CBLB: variants seen among roughly 807,000 people sequenced by gnomAD.
The protein encoded by CBLB is E3 ubiquitin-protein ligase CBL-B.
Under a neutral mutation model 104.9 loss-of-function variants are expected in CBLB, and 31 were observed. The observed-to-expected ratio is 0.30, with a 90% CI of 0.22 to 0.40. The LOEUF (loss-of-function observed/expected upper bound fraction) is 0.40. Ranked by LOEUF, CBLB falls within the 10% of genes least tolerant of loss-of-function variation. The pLI, the probability that CBLB is intolerant of heterozygous loss-of-function variation, is 1.00. For synonymous variants in CBLB, 440 were observed against 422.6 expected, an observed-to-expected ratio of 1.04 and a Z score of -0.51; for missense variants, 1,062 against 1,214.6, an observed-to-expected ratio of 0.87 and a Z score of 1.87.
At chr3:105,743,543 A>T (rs1285710058) in intron 6 of CBLB, among the ~76,000 whole-genome samples, 1 of 151,818 alleles carries the variant, frequency 6.6e-6, no homozygotes, top group Non-Finnish European at 1.5e-5. Context: ...TTTAGGGTTC[A>T]ATGCCACTCT....
At chr3:105,830,634 A>C (rs1342626041) in intron 3 of CBLB, among the ~76,000 whole-genome samples, 1 of 152,244 alleles carries the variant, frequency 6.6e-6, no homozygotes. Flanking sequence ...TTAAGTTGTA[A>C]AGTTTAAAAA....
chr3:105,798,624 A>G (rs1446366425), intron 3 of CBLB, among the ~76,000 whole-genome samples: 1 of 152,200 alleles, frequency 6.6e-6, no homozygotes, highest in African/African-American at 2.4e-5. Flanking sequence ...GGATGAATGG[A>G]GATTTAAGTC....
At chr3:105,695,023 G>T (rs1276530441) in intron 12 of CBLB, among the ~76,000 whole-genome samples, 1 of 151,800 alleles carries the variant, frequency 6.6e-6, no homozygotes, top group Non-Finnish European at 1.5e-5. Context: ...AACGCTCATT[G>T]TGATATTGAG....
At chr3:105,665,126 G>A (rs575260942) in intron 18 of CBLB, among the ~76,000 whole-genome samples, 2 of 152,152 alleles carry the variant, frequency 1.3e-5, no homozygotes, top group Admixed American at 6.5e-5. Flanking sequence ...TTTCAGGCCA[G>A]GCGCAGTGGC....
intron 12 of CBLB, among the ~76,000 whole-genome samples, chr3:105,700,399 G>C (rs757926553): frequency 2.7e-4 from 41 of 151,686 alleles, no homozygotes; most frequent in Non-Finnish European, 5.3e-4. Context: ...GATATAACTA[G>C]TTAATTACAG....
intron 18 of CBLB, among the ~76,000 whole-genome samples, chr3:105,669,924 A>T (rs910561300): frequency 2.0e-5 from 3 of 152,150 alleles, no homozygotes; most frequent in African/African-American, 7.2e-5. Flanking sequence ...ATGTACAAAG[A>T]GATTTTCCTC....
chr3:105,721,631 T>C (rs912058419), intron 9 of CBLB, among the ~76,000 whole-genome samples: 1 of 152,082 alleles, frequency 6.6e-6, no homozygotes, highest in Admixed American at 6.6e-5. Context: ...GACATATAAA[T>C]ATAGAATCCT....
chr3:105,664,834 C>T (rs944402719), intron 18 of CBLB, among the ~76,000 whole-genome samples: 2 of 151,960 alleles, frequency 1.3e-5, no homozygotes, highest in Non-Finnish European at 2.9e-5. Flanking sequence ...TTCTAAAACC[C>T]TTCATTATTT....
intron 3 of CBLB, among the ~76,000 whole-genome samples, chr3:105,811,595 G>A (rs190825178): frequency 6.6e-6 from 1 of 152,250 alleles, no homozygotes; most frequent in African/African-American, 2.4e-5. Context: ...TTAACACTGA[G>A]GCAAACTGGG....
Position 105,826,096 on chromosome 3 carries a change from G to GCTCCAGCATGACGCAAA in CBLB, c.419+27317_419+27318insTTTGCGTCATGCTGGAG, listed in dbSNP as rs374152281. ...TTTGAAATGGCTCCAGCATGACACG[G>GCTCCAGCATGACGCAAA]CTCCAGCATGACAGCATGACATGGA... is the stretch of plus-strand genomic sequence containing the variant. On this transcript the variant is annotated intron_variant, in intron 3 of 18. Coordinates refer to ENST00000394030, the MANE Select transcript of CBLB (RefSeq NM_170662.5). Among the ~76,000 whole-genome samples, 5 of 151,552 alleles carry GCTCCAGCATGACGCAAA rather than the reference G, an allele frequency of 3.3e-5. No homozygotes were observed. In the South Asian group the frequency reaches 8.4e-4, roughly 25 times the overall value.
At chr3:105,850,802 C>T (rs1414899454) in intron 3 of CBLB, among the ~76,000 whole-genome samples, 1 of 152,150 alleles carries the variant, frequency 6.6e-6, no homozygotes, top group African/African-American at 2.4e-5. Context: ...CCCACATCTA[C>T]CACATCCGCA....
chr3:105,799,874 A>G (rs1258557516), intron 3 of CBLB, among the ~76,000 whole-genome samples: 1 of 152,206 alleles, frequency 6.6e-6, no homozygotes, highest in Non-Finnish European at 1.5e-5. Context: ...CTCTTATGTC[A>G]TAACTAAGGT....
At chr3:105,696,099 C>G (rs1220026149) in intron 12 of CBLB, among the ~76,000 whole-genome samples, 1 of 151,574 alleles carries the variant, frequency 6.6e-6, no homozygotes, top group Non-Finnish European at 1.5e-5. Context: ...CACACACACA[C>G]ACATATATAT....
intron 10 of CBLB, among the ~76,000 whole-genome samples, chr3:105,718,513 T>G (rs1194533539): frequency 6.6e-6 from 1 of 152,130 alleles, no homozygotes; most frequent in Non-Finnish European, 1.5e-5. Flanking sequence ...CCCAAAGAAA[T>G]GCCTTGTCAA....
intron 9 of CBLB, among the ~76,000 whole-genome samples, chr3:105,732,909 C>A (rs1435030349): frequency 6.6e-6 from 1 of 152,138 alleles, no homozygotes; most frequent in East Asian, 1.9e-4. Context: ...TAATTATTTG[C>A]TTTCTAAACC....
chr3:105,848,502 C>T (rs2090562789), intron 3 of CBLB, among the ~76,000 whole-genome samples: 1 of 152,066 alleles, frequency 6.6e-6, no homozygotes, highest in African/African-American at 2.4e-5. Context: ...GCTACTCATT[C>T]ATCATTAACA....
intron 3 of CBLB, among the ~76,000 whole-genome samples, chr3:105,819,807 A>T (rs749656840): frequency 2.6e-5 from 4 of 152,128 alleles, no homozygotes; most frequent in Non-Finnish European, 5.9e-5. Context: ...CTAAAATGAA[A>T]ATGTTATCTT....
At chr3:105,729,960 T>A (rs112534064) in intron 9 of CBLB, among the ~76,000 whole-genome samples, 178 of 152,184 alleles carry the variant, frequency 1.2e-3, no homozygotes, top group African/African-American at 4.1e-3. Context: ...TGTATCTAAA[T>A]GTAAAAATAT....
chr3:105,773,593 GA>G (rs1427247976), intron 4 of CBLB, among the ~76,000 whole-genome samples: 1 of 152,116 alleles, frequency 6.6e-6, no homozygotes, highest in Non-Finnish European at 1.5e-5. Flanking sequence ...TAATCACATT[GA>G]TGTGCTTCTT....
Sources: allele counts gnomAD v4.1 joint callset (sites outside exome capture counted in the v4.1 genomes callset), GRCh38; gene constraint gnomAD v4.1.1; transcripts MANE v1.5; gene names NCBI Gene and HGNC (gene_info 2026-07-23, HGNC 2026-07-21).